SH2D2A: variants seen among roughly 807,000 people sequenced by gnomAD.
SH2D2A encodes the protein SH2 domain containing 2A, also known as SH2 domain-containing protein 2A.
SH2D2A carries 33 observed loss-of-function variants against 43.6 expected under a neutral mutation model. The observed-to-expected ratio is 0.76, with a 90% CI of 0.57 to 1.01. The LOEUF is 1.01. Ranked by LOEUF, SH2D2A falls within the 50% of genes least tolerant of loss-of-function variation. The pLI is 0.00. For synonymous variants in SH2D2A, 212 were observed against 206.1 expected, an observed-to-expected ratio of 1.03 and a Z score of -0.25; for missense variants, 491 against 503.1, an observed-to-expected ratio of 0.98 and a Z score of 0.23.
In SH2D2A at chr1:156,809,916, G is replaced by T; in HGVS notation, c.568-109C>A. ...AAGTGGAGGATGGGGGAAGGGGGAG[G>T]AGCACAGAAATTTGGCCTGGGCTGG... On this transcript the variant is annotated intron_variant, in intron 5 of 8. Transcript: ENST00000368199. The surrounding 1 kb of genome is among the most constrained non-coding windows in gnomAD (Gnocchi z 4.8). The T allele has an allele frequency of 4.6e-6, 6 of 1,293,786 alleles. No homozygotes were observed. In the East Asian group the frequency reaches 1.2e-4, roughly 26 times the overall value. The allele number at this position is 1,293,786 out of a possible 1,614,324, so 80.1% of individuals were successfully genotyped here.
intron 5 of SH2D2A, among the ~76,000 whole-genome samples, chr1:156,811,105 C>T (rs1430083394): frequency 2.0e-5 from 3 of 152,278 alleles, no homozygotes; most frequent in East Asian, 1.9e-4. Context: ...CATCTCCTTC[C>T]GGAATAAAAA....
At chr1:156,814,323 C>CCA (rs1348326709) in intron 3 of SH2D2A, 29 bp from the exon 4 acceptor site, 4 of 1,605,178 alleles carry the variant, frequency 2.5e-6, no homozygotes, top group African/African-American at 2.7e-5. Flanking sequence ...GGGGGCCGAA[C>CCA]CCTGCTCTGA....
At chr1:156,810,458 C>T (rs1558063442) in intron 5 of SH2D2A, among the ~76,000 whole-genome samples, 1 of 152,114 alleles carries the variant, frequency 6.6e-6, no homozygotes, top group African/African-American at 2.4e-5. Flanking sequence ...ACATGGGGAC[C>T]AATCTCCATG....
In SH2D2A at chr1:156,809,370, T is replaced by C. The variant is rs780926029; in HGVS notation, c.835A>G (p.Ile279Val). 2 of 1,613,904 alleles carry C rather than the reference T, an allele frequency of 1.2e-6. No individual in the cohort carries two copies. The highest frequency in any genetic ancestry group is 1.7e-6 in the Non-Finnish European group (2 of 1,179,942). The change falls in exon 7 of 9, where the codon ATC becomes GTC. Residue 279 changes from isoleucine (I) to valine (V), a missense_variant. Coordinates refer to ENST00000368199, the MANE Select transcript of SH2D2A (RefSeq NM_003975.4). The surrounding 1 kb of genome is among the most constrained non-coding windows in gnomAD (Gnocchi z 4.8). Reference sequence around the variant, plus strand: ...ATGGGTTCATCAGGCTCATTGTAGATAGGATTGGAGGGCTTGGGGCGTGGG... The same window carrying C: ...ATGGGTTCATCAGGCTCATTGTAGACAGGATTGGAGGGCTTGGGGCGTGGG... The part of the protein sequence containing the change: ...PAPRPKPSNP[I>V]YNEPDEPIAF...
At chr1:156,806,990 T>C (rs1295453441) in intron 8 of SH2D2A, among the ~76,000 whole-genome samples, 185 bp downstream of exon 8, 1 of 152,168 alleles carries the variant, frequency 6.6e-6, no homozygotes. Context: ...CCACGACCAA[T>C]GGATTGGAGT....
At position 156,809,304 on chromosome 1, in the gene SH2D2A, G is replaced by A. The variant is rs1172652305; in HGVS notation, c.901C>T (p.Pro301Ser). 1 of 1,614,178 alleles carries A rather than the reference G, an allele frequency of 6.2e-7. No individual in the cohort carries two copies. ...AMGRGSPGEA[P>S]SNIYVEVEDE... ...TCCACTTCCACATAGATGTTGCTGG[G>A]GGCTTCCCCAGGGCTGCCCCGGCCC... is the stretch of plus-strand genomic sequence containing the variant. The change falls in exon 7 of 9, where the codon CCC (proline) becomes TCC (serine). Residue 301 changes from proline (P) to serine (S), a missense_variant. Transcript: ENST00000368199. The surrounding 1 kb of genome is among the most constrained non-coding windows in gnomAD (Gnocchi z 4.8).
intron 3 of SH2D2A, chr1:156,814,643 G>A (rs1044334863): frequency 1.5e-5 from 6 of 410,916 alleles, no homozygotes; most frequent in African/African-American, 1.0e-4. Context: ...TGAACAAAGA[G>A]TTAGGGAGAA....
chr1:156,814,632 G>A, intron 3 of SH2D2A: 1 of 431,938 alleles, frequency 2.3e-6, no homozygotes, highest in Non-Finnish European at 4.1e-6. Context: ...AACTGAGGAG[G>A]TGAACAAAGA....
rs781385403 is a variant in SH2D2A, at chr1:156,807,291, GAGGGCCTT to G, written c.1049_1056del (p.Gln350ProfsTer20). On this transcript the variant is annotated frameshift_variant, in exon 8 of 9. Coordinates refer to ENST00000368199, the MANE Select transcript of SH2D2A (RefSeq NM_003975.4). LOFTEE classifies it high-confidence loss of function. The surrounding 1 kb of genome is among the most constrained non-coding windows in gnomAD (Gnocchi z 5.1). ...GCGGGTGGGGGCTGGTGGGGCAGGG[GAGGGCCTT>G]GCCCAATCACAGAGTTCTCAGAATG... 1.9e-6 allele frequency: 3 copies of G among 1,553,530 alleles called. No individual in the cohort carries two copies. Among genetic ancestry groups the G allele is most frequent in the South Asian group, 2.2e-5 (2 of 89,034 alleles).
At position 156,809,325 on chromosome 1, in the gene SH2D2A, G is replaced by A. The variant is rs1409145338; in HGVS notation, c.880C>T (p.Arg294Trp). ...DEPIAFYAMG[R>W]GSPGEAPSNI... ...CTGGGGGCTTCCCCAGGGCTGCCCC[G>A]GCCCATGGCATAGAAAGCTATGGGT... The change falls in exon 7 of 9, where the codon CGG (arginine) becomes TGG (tryptophan). Residue 294 changes from arginine to tryptophan, a missense_variant. Physicochemically the swap from Arg to Trp is moderately radical, Grantham distance 101. Transcript: ENST00000368199. The surrounding 1 kb of genome is among the most constrained non-coding windows in gnomAD (Gnocchi z 4.8). The A allele has an allele frequency of 1.9e-5, 30 of 1,614,130 alleles. No individual in the cohort carries two copies. In the East Asian group the frequency reaches 5.6e-4, roughly 30 times the overall value.
Position 156,807,398 on chromosome 1 carries a change from GTGT to G in SH2D2A, c.1003-56_1003-54del. 7.1e-7 allele frequency: 1 copy of G among 1,413,940 alleles called. No individual in the cohort carries two copies. Among genetic ancestry groups the G allele is most frequent in the Non-Finnish European group, 9.3e-7 (1 of 1,073,966 alleles). 87.6% of individuals were successfully genotyped at this position (1,413,940 alleles called of 1,614,324 possible). A position where few individuals can be genotyped will look rare whatever the true frequency, so the allele number is the denominator to read the frequency against. ...ACACCCTCTACCCTCTGCCTCCTAG[GTGT>G]ACTTGCAGTCTCAAGACATCTGATC... On this transcript the variant is annotated intron_variant, in intron 7 of 8. Transcript: ENST00000368199. The surrounding 1 kb of genome is among the most constrained non-coding windows in gnomAD (Gnocchi z 5.1).
intron 5 of SH2D2A, among the ~76,000 whole-genome samples, chr1:156,810,865 A>G (rs1558063767): frequency 6.6e-6 from 1 of 152,074 alleles, no homozygotes; most frequent in African/African-American, 2.4e-5. Flanking sequence ...AGGAGAGAGG[A>G]GCCCCATGTG....
chr1:156,816,039 G>A lies in SH2D2A; in HGVS notation c.90C>T (p.Thr30=). 5 of 1,614,084 alleles carry A rather than the reference G, an allele frequency of 3.1e-6. No homozygotes were observed. The highest frequency in any genetic ancestry group is 4.2e-6 in the Non-Finnish European group (5 of 1,179,976). Residue 30 remains threonine, a synonymous_variant, in exon 2 of 9, where the codon ACC becomes ACT. Transcript: ENST00000368199. The stretch of plus-strand genomic sequence containing the variant: ...AGCCCAGGTTCTGGCAGCTCCTGCG[G>A]GTCATGTCTGTGATCTGGAAGGTGC... ...TFSTFQITDM[T]RRSCQNLGYT...
At chr1:156,814,318 C>A in intron 3 of SH2D2A, 24 bp from the exon 4 acceptor site, 1 of 1,607,364 alleles carries the variant, frequency 6.2e-7, no homozygotes, top group Non-Finnish European at 8.5e-7. Flanking sequence ...AGAGAGGGGG[C>A]CGAACCCTGC....
At position 156,813,916 on chromosome 1, in the gene SH2D2A, G is replaced by A; in HGVS notation, c.499C>T (p.Leu167=). The stretch of plus-strand genomic sequence containing the variant: ...AGCGGGTGCGCGGTGTAGTGCAGCA[G>A]CAGGTCCTGCAGCCGCGCGTGGGCG... The part of the protein sequence containing the change: ...DSAHARLQDL[L]LHYTAHPLSP... The change falls in exon 5 of 9, where the codon CTG becomes TTG. Residue 167 remains leucine, a synonymous_variant. Transcript: ENST00000368199. The A allele has an allele frequency of 6.5e-7, 1 of 1,541,792 alleles. No homozygotes were observed. The highest frequency in any genetic ancestry group is 8.7e-7 in the Non-Finnish European group (1 of 1,148,670).
In SH2D2A at chr1:156,814,305, C is replaced by T. The variant is rs755126626; in HGVS notation, c.309-11G>A. The T allele has an allele frequency of 5.6e-6, 9 of 1,612,084 alleles. No homozygotes were observed. Among genetic ancestry groups the T allele is most frequent in the Non-Finnish European group, 7.6e-6 (9 of 1,179,304 alleles). On this transcript the variant is annotated splice_polypyrimidine_tract_variant and intron_variant, in intron 3 of 8. Transcript: ENST00000368199. The stretch of plus-strand genomic sequence containing the variant: ...AGCCTCTCTGCCTCCCTGTGGGTGA[C>T]GGAGAGAGGGGGCCGAACCCTGCTC...
intron 2 of SH2D2A, chr1:156,815,721 A>G: frequency 8.1e-7 from 1 of 1,230,322 alleles, no homozygotes. Context: ...CACAGAGTGC[A>G]GATGCCTGCT....
Position 156,816,110 on chromosome 1 carries a change from G to C in SH2D2A, c.35-16C>G. 6.2e-7 allele frequency: 1 copy of C among 1,605,008 alleles called. No homozygotes were observed. The highest frequency in any genetic ancestry group is 8.5e-7 in the Non-Finnish European group (1 of 1,175,928). The stretch of plus-strand genomic sequence containing the variant: ...TCGTGACTCCCTGTGAGCACAAAGA[G>C]GGCTGCCGGGGTTTCTCAGAGAGGA... On this transcript the variant is annotated splice_polypyrimidine_tract_variant and intron_variant, in intron 1 of 8. Transcript: ENST00000368199.
In SH2D2A at chr1:156,814,034, G is replaced by A. The variant is rs1461562759; in HGVS notation, c.399-18C>T. The A allele has an allele frequency of 1.3e-6, 2 of 1,498,356 alleles. No individual in the cohort carries two copies. The highest frequency in any genetic ancestry group is 2.8e-5 in the African/African-American group (2 of 72,294). The allele number at this position is 1,498,356 out of a possible 1,614,324, so 92.8% of individuals were successfully genotyped here. On this transcript the variant is annotated intron_variant, in intron 4 of 8. Transcript: ENST00000368199. Reference sequence around the variant, plus strand: ...TCCGGCTCCTGGAGGGCGCCGTTAGGGATCAGACTATCTCCCGCTCCTCGG... The same window carrying A: ...TCCGGCTCCTGGAGGGCGCCGTTAGAGATCAGACTATCTCCCGCTCCTCGG...
Sources: allele counts gnomAD v4.1 joint callset (sites outside exome capture counted in the v4.1 genomes callset), GRCh38; gene constraint gnomAD v4.1.1; non-coding constraint Gnocchi (gnomAD v3.1); transcripts MANE v1.5; gene names NCBI Gene and HGNC (gene_info 2026-07-23, HGNC 2026-07-21).